Variants in LRRC2 observed in about 807,000 individuals in gnomAD.
LRRC2 encodes the protein leucine rich repeat containing 2, also known as leucine-rich repeat-containing protein 2.
In LRRC2, 27 loss-of-function variants were observed where a neutral mutation model predicts 40.2. The observed-to-expected ratio is 0.67, with a 90% CI of 0.49 to 0.93. The LOEUF is 0.93. Among genes scored for constraint, LRRC2 ranks in the 40% least tolerant of loss-of-function variants. LRRC2 has a pLI of 0.00. For synonymous variants in LRRC2, 147 were observed against 158.9 expected, an observed-to-expected ratio of 0.92 and a Z score of 0.56; for missense variants, 402 against 439.6, an observed-to-expected ratio of 0.91 and a Z score of 0.76.
chr3:46,561,071 T>C (rs555567776), intron 1 of LRRC2, among the ~76,000 whole-genome samples: 1 of 152,314 alleles, frequency 6.6e-6, no homozygotes, highest in South Asian at 2.1e-4. Flanking sequence ...ATTGAAGATA[T>C]ATGTAGGCGT....
At chr3:46,525,607 T>G (rs1336664427) in intron 7 of LRRC2, among the ~76,000 whole-genome samples, 1 of 152,168 alleles carries the variant, frequency 6.6e-6, no homozygotes, top group Non-Finnish European at 1.5e-5. Flanking sequence ...TCTAAAATTA[T>G]TATTACTGTC....
intron 1 of LRRC2, among the ~76,000 whole-genome samples, chr3:46,556,576 CTTTTTTT>C (rs143635012): frequency 1.9e-5 from 2 of 104,770 alleles, no homozygotes; most frequent in African/African-American, 3.7e-5. Flanking sequence ...GTCATTATTT[CTTTTTTT>C]TTTTTTTTTT....
chr3:46,521,405 A>G (rs1703961540), intron 8 of LRRC2, 117 bp downstream of exon 8: 14 of 698,066 alleles, frequency 2.0e-5, no homozygotes, highest in Non-Finnish European at 3.2e-5. Flanking sequence ...TAATTTACGA[A>G]GTAACGTGCC....
intron 5 of LRRC2, among the ~76,000 whole-genome samples, chr3:46,531,358 G>T (rs1465364238): frequency 2.0e-5 from 3 of 152,088 alleles, no homozygotes; most frequent in Non-Finnish European, 4.4e-5. Flanking sequence ...CTTGTAATGG[G>T]TGAGTCATAT....
intron 1 of LRRC2, among the ~76,000 whole-genome samples, chr3:46,562,458 TAACA>T (rs778239439): frequency 2.6e-4 from 39 of 152,330 alleles, no homozygotes; most frequent in Non-Finnish European, 4.7e-4. Context: ...TATTCTAAAC[TAACA>T]GTCTAGAATA....
rs200465251 is a variant in LRRC2, at chr3:46,545,215, C to G, written c.164G>C (p.Arg55Thr). ...GTATACAGCCTGGGGGATGCCCTTC[C>G]TCCTGCATTCGGCCACAAAGTTCCA... ...EEWNFVAECRRKGIPQAVYCK... is the reference protein window; with the variant it reads ...EEWNFVAECRTKGIPQAVYCK... The change falls in exon 3 of 9, where the codon AGG becomes ACG. Residue 55 changes from arginine (R) to threonine (T), a missense_variant. By Grantham distance (71) the Arg-to-Thr change is moderately conservative. Coordinates refer to ENST00000395905, the MANE Select transcript of LRRC2 (RefSeq NM_024512.5). 1.2e-6 allele frequency: 2 copies of G among 1,614,040 alleles called. No individual in the cohort carries two copies.
intron 1 of LRRC2, chr3:46,559,090 G>T (rs1464275356): frequency 6.6e-6 from 1 of 152,202 alleles, no homozygotes; most frequent in East Asian, 1.9e-4. Context: ...CCATAAAAAT[G>T]ATAGGTAAAA....
In LRRC2 at chr3:46,554,330, C is replaced by T. The variant is rs180865204; in HGVS notation, c.-19-2720G>A. Among the ~76,000 whole-genome samples the T allele has an allele frequency of 1.8e-3, 253 of 141,158 alleles. 1 individual carries two copies. Among genetic ancestry groups the T allele is most frequent in the African/African-American group, 6.4e-3 (244 of 38,058 alleles). 92.6% of individuals were successfully genotyped at this position (141,158 alleles called of 152,430 possible). A position where few individuals can be genotyped will look rare whatever the true frequency, so the allele number is the denominator to read the frequency against. On this transcript the variant is annotated intron_variant, in intron 1 of 8. Coordinates refer to ENST00000395905, the MANE Select transcript of LRRC2 (RefSeq NM_024512.5). ...GACAGTCTGCCCAGCCTGAGACTGCCTTTGCCTCCTTTAGAATTGTTTTAC... is the reference window on the plus strand; with the variant it reads ...GACAGTCTGCCCAGCCTGAGACTGCTTTTGCCTCCTTTAGAATTGTTTTAC...
At chr3:46,528,368 C>G (rs1704095925) in intron 6 of LRRC2, among the ~76,000 whole-genome samples, 1 of 151,508 alleles carries the variant, frequency 6.6e-6, no homozygotes, top group South Asian at 2.1e-4. Context: ...TAGCTTTAAG[C>G]AATCCTCCTT....
chr3:46,552,515 C>G (rs1378005688), intron 1 of LRRC2, among the ~76,000 whole-genome samples: 1 of 152,064 alleles, frequency 6.6e-6, no homozygotes, highest in Non-Finnish European at 1.5e-5. Flanking sequence ...AGGCACGTAA[C>G]AGCGACTTTC....
rs923682664 is a variant in LRRC2, at chr3:46,560,203, G to A, written c.-20+5974C>T. On this transcript the variant is annotated intron_variant, in intron 1 of 8. Coordinates refer to ENST00000395905, the MANE Select transcript of LRRC2 (RefSeq NM_024512.5). ...CTGAGACTGAGAAAGTAGTTCAAAT[G>A]AGAGTCCATGTGTCAGTCCAGGGTA... Among the ~76,000 whole-genome samples, 25 of 152,194 alleles carry A rather than the reference G, an allele frequency of 1.6e-4. 1 individual carries two copies. Among genetic ancestry groups the A allele is most frequent in the Non-Finnish European group, 1.5e-5 (1 of 68,038 alleles).
chr3:46,563,461 C>T (rs748861707), intron 1 of LRRC2, among the ~76,000 whole-genome samples: 2 of 152,088 alleles, frequency 1.3e-5, no homozygotes, highest in African/African-American at 2.4e-5. Context: ...GCCTCTTCCC[C>T]CTCAGAGCTC....
At chr3:46,563,154 G>C (rs1315941440) in intron 1 of LRRC2, among the ~76,000 whole-genome samples, 1 of 151,808 alleles carries the variant, frequency 6.6e-6, no homozygotes, top group Non-Finnish European at 1.5e-5. Context: ...CATCTTAGAG[G>C]GCATGCATTT....
intron 3 of LRRC2, among the ~76,000 whole-genome samples, chr3:46,542,152 T>C (rs980790556): frequency 2.0e-5 from 3 of 151,876 alleles, no homozygotes; most frequent in African/African-American, 7.3e-5. Context: ...TCTCCAGACC[T>C]CCAAGAAATG....
chr3:46,544,719 C>T (rs1490721959), intron 3 of LRRC2, among the ~76,000 whole-genome samples: 2 of 152,148 alleles, frequency 1.3e-5, no homozygotes, highest in Non-Finnish European at 2.9e-5. Flanking sequence ...ACTGCCAGGG[C>T]GTTAGTTGAA....
intron 2 of LRRC2, among the ~76,000 whole-genome samples, chr3:46,546,643 TC>T (rs1704531374): frequency 6.6e-6 from 1 of 150,976 alleles, no homozygotes. Context: ...ATAATTCTTA[TC>T]CATAAACACA....
chr3:46,520,436 A>T (rs537495470), intron 8 of LRRC2, among the ~76,000 whole-genome samples: 30 of 152,100 alleles, frequency 2.0e-4, no homozygotes, highest in Non-Finnish European at 3.1e-4. Flanking sequence ...TCAGTTTCAC[A>T]TTTACGATAA....
intron 1 of LRRC2, among the ~76,000 whole-genome samples, chr3:46,556,052 T>C (rs1704785228): frequency 6.6e-6 from 1 of 152,154 alleles, no homozygotes; most frequent in Non-Finnish European, 1.5e-5. Context: ...ATTAGAAATC[T>C]GAAATAATTT....
At chr3:46,525,086 C>CTTTTTTTTTT (rs11284933) in intron 7 of LRRC2, among the ~76,000 whole-genome samples, 35 of 117,554 alleles carry the variant, frequency 3.0e-4, no homozygotes, top group African/African-American at 3.8e-4. Flanking sequence ...CTTTTTTTTT[C>CTTTTTTTTTT]TTTTTTTTTT....
Sources: allele counts gnomAD v4.1 joint callset (sites outside exome capture counted in the v4.1 genomes callset), GRCh38; gene constraint gnomAD v4.1.1; transcripts MANE v1.5; gene names NCBI Gene and HGNC (gene_info 2026-07-23, HGNC 2026-07-21).